The following SLC38A4 variants were observed in gnomAD, a reference collection of about 807,000 sequenced individuals.
SLC38A4 encodes the protein sodium-coupled neutral amino acid transporter 4.
In SLC38A4, 20 loss-of-function variants were observed where a neutral mutation model predicts 63.1. That is an observed-to-expected ratio of 0.32 (90% confidence interval 0.22 to 0.46). The LOEUF is 0.46. Ranked by LOEUF, SLC38A4 falls within the 20% of genes least tolerant of loss-of-function variation. The probability of loss-of-function intolerance (pLI) is 1.00; values close to 1 mark genes in which losing one functional copy is unlikely to be tolerated. For missense variants in SLC38A4, 526 were observed against 663.6 expected, an observed-to-expected ratio of 0.79 and a Z score of 2.28; for synonymous variants, 230 against 225.5, an observed-to-expected ratio of 1.02 and a Z score of -0.18.
chr12:46,785,120 T>A lies in SLC38A4; in HGVS notation c.384A>T (p.Lys128Asn). ...GTAGCATACCTCCTTCCTTGGCTGT[T>A]TTTAATAAAAGGTGAACTGAATACA... ...LSLYSVHLLL[K>N]TAKEGGSLIY... is the part of the protein sequence containing the mutation. The change falls in exon 6 of 17, where the codon AAA becomes AAT. Residue 128 changes from lysine (K) to asparagine (N), a missense_variant. Physicochemically the swap from Lys to Asn is moderately conservative, Grantham distance 94. Coordinates refer to ENST00000266579, the MANE Select transcript of SLC38A4 (RefSeq NM_018018.5). 7 of 1,612,780 alleles carry A rather than the reference T, an allele frequency of 4.3e-6. No individual in the cohort carries two copies. The highest frequency in any genetic ancestry group is 5.9e-6 in the Non-Finnish European group (7 of 1,179,064).
chr12:46,820,727 A>G (rs1157109223), intron 1 of SLC38A4, among the ~76,000 whole-genome samples: 1 of 151,884 alleles, frequency 6.6e-6, no homozygotes, highest in Non-Finnish European at 1.5e-5. Flanking sequence ...TAGTAGTTCT[A>G]TTTTTCATTT....
intron 5 of SLC38A4, 112 bp downstream of exon 5, chr12:46,787,804 G>T: frequency 1.4e-6 from 1 of 712,738 alleles, no homozygotes; most frequent in Non-Finnish European, 2.3e-6. Context: ...GCCATGATTA[G>T]CCTCCTCTGA....
At position 46,766,439 on chromosome 12, in the gene SLC38A4, C is replaced by T. The variant is rs1300055304; in HGVS notation, c.*262G>A. The stretch of plus-strand genomic sequence containing the variant: ...TTCTGCTCGTAAAGCAGCAAAAATA[C>T]ACCTTCATCATCTCACACTGCTCTA... On this transcript the variant is annotated 3_prime_UTR_variant, in exon 17 of 17. Coordinates refer to ENST00000266579, the MANE Select transcript of SLC38A4 (RefSeq NM_018018.5). 1 of 573,690 alleles carries T rather than the reference C, an allele frequency of 1.7e-6. No individual in the cohort carries two copies. The highest frequency in any genetic ancestry group is 3.3e-6 in the Non-Finnish European group (1 of 303,446). The allele number at this position is 573,690 out of a possible 1,614,324, so 35.5% of individuals were successfully genotyped here.
intron 15 of SLC38A4, 112 bp from the exon 16 acceptor site, chr12:46,768,519 A>G (rs1035032266): frequency 1.7e-6 from 1 of 584,478 alleles, no homozygotes; most frequent in Non-Finnish European, 2.9e-6. Context: ...TATACTTAGC[A>G]CTAAAAACAC....
chr12:46,798,925 A>G (rs1939072940), intron 2 of SLC38A4, among the ~76,000 whole-genome samples: 1 of 152,138 alleles, frequency 6.6e-6, no homozygotes, highest in South Asian at 2.1e-4. Context: ...AACAGGAACT[A>G]TGTCTTTGGC....
chr12:46,794,487 T>C (rs1050624658), intron 2 of SLC38A4, among the ~76,000 whole-genome samples: 9 of 151,128 alleles, frequency 6.0e-5, no homozygotes, highest in Non-Finnish European at 1.3e-4. Flanking sequence ...AATAAAAACA[T>C]TATAAAGGAA....
At chr12:46,771,050 C>A (rs1938406590) in intron 14 of SLC38A4, among the ~76,000 whole-genome samples, 1 of 152,018 alleles carries the variant, frequency 6.6e-6, no homozygotes, top group Admixed American at 6.6e-5. Flanking sequence ...GAATGACAAA[C>A]CAGATAGTCT....
rs1938262100 is a variant in SLC38A4 at position 46,764,782 on chromosome 12, T to C, written c.*1919A>G. The stretch of plus-strand genomic sequence containing the variant: ...CATAGTCATTTGAAAAGTTCATTTA[T>C]TATATACCAATATACACTTTCTGTA... On this transcript the variant is annotated 3_prime_UTR_variant, in exon 17 of 17. Transcript: ENST00000266579. The C allele has an allele frequency of 6.6e-6, 1 of 152,394 alleles. No homozygotes were observed. The highest frequency in any genetic ancestry group is 1.5e-5 in the Non-Finnish European group (1 of 68,000). 9.4% of individuals were successfully genotyped at this position (152,394 alleles called of 1,614,324 possible).
chr12:46,767,878 T>C (rs763735050), intron 16 of SLC38A4, among the ~76,000 whole-genome samples: 11 of 152,050 alleles, frequency 7.2e-5, no homozygotes, highest in Non-Finnish European at 1.3e-4. Context: ...GGACAACAGG[T>C]ACTATGGAAG....
chr12:46,804,100 G>T (rs1415751216), intron 1 of SLC38A4, among the ~76,000 whole-genome samples: 1 of 152,012 alleles, frequency 6.6e-6, no homozygotes, highest in African/African-American at 2.4e-5. Context: ...AGAAAATATT[G>T]ATTACATAGT....
At chr12:46,793,249 T>A in intron 2 of SLC38A4, 66 bp from the exon 3 acceptor site, 1 of 423,694 alleles carries the variant, frequency 2.4e-6, no homozygotes, top group Non-Finnish European at 4.2e-6. Flanking sequence ...ATATGAATCA[T>A]CTACATTTTG....
chr12:46,788,504 G>A lies in SLC38A4; in HGVS notation c.210+24C>T, dbSNP rs760352059. 2.5e-6 allele frequency: 4 copies of A among 1,588,010 alleles called. No homozygotes were observed. The East Asian group carries it at 8.9e-5, about 36-fold the overall frequency. On this transcript the variant is annotated intron_variant, in intron 4 of 16. Transcript: ENST00000266579. ...TCAGACACCCTCAGTCCCGTTTATTGCCTGAAAGCATAGATTCACTTACGT... is the reference window on the plus strand; with the variant it reads ...TCAGACACCCTCAGTCCCGTTTATTACCTGAAAGCATAGATTCACTTACGT...
intron 1 of SLC38A4, among the ~76,000 whole-genome samples, chr12:46,805,316 T>TTA (rs1470152917): frequency 6.6e-6 from 1 of 152,006 alleles, no homozygotes; most frequent in Non-Finnish European, 1.5e-5. Context: ...ATAGCAAAAT[T>TTA]CTTATTACAA....
rs765301170 is a variant in SLC38A4, at chr12:46,766,674, T to C, written c.*27A>G. On this transcript the variant is annotated 3_prime_UTR_variant, in exon 17 of 17. Transcript: ENST00000266579. ...GAGTATAACTTGTAACCATTTCCAATAGAAAAAGAAAGTATTTTTCCTTGT... is the reference window on the plus strand; with the variant it reads ...GAGTATAACTTGTAACCATTTCCAACAGAAAAAGAAAGTATTTTTCCTTGT... 23 of 1,401,994 alleles carry C rather than the reference T, an allele frequency of 1.6e-5. No homozygotes were observed. The Admixed American group carries it at 1.7e-4, about 10-fold the overall frequency. 86.8% of individuals were successfully genotyped at this position (1,401,994 alleles called of 1,614,324 possible).
intron 16 of SLC38A4, among the ~76,000 whole-genome samples, chr12:46,767,418 A>C (rs1938323813): frequency 6.6e-6 from 1 of 152,088 alleles, no homozygotes; most frequent in African/African-American, 2.4e-5. Context: ...TTTCACTAGA[A>C]TGGGTCTAGG....
chr12:46,771,687 T>C (rs917423097), intron 14 of SLC38A4, among the ~76,000 whole-genome samples: 4 of 152,050 alleles, frequency 2.6e-5, no homozygotes, highest in Non-Finnish European at 4.4e-5. Context: ...GGTACTAGGC[T>C]TGTGGTGGTG....
In SLC38A4 at chr12:46,766,716, A is replaced by G; in HGVS notation, c.1629T>C (p.Asn543=). ...TTTCCTTGTGTTAGTGATGCTTGGAATTTGGAGGATCATAAATCCAGTCAA... is the reference window on the plus strand; with the variant it reads ...TTTCCTTGTGTTAGTGATGCTTGGAGTTTGGAGGATCATAAATCCAGTCAA... ...IIIDWIYDPP[N]SKHH The change falls in exon 17 of 17, where the codon AAT becomes AAC. Residue 543 remains asparagine (N), a synonymous_variant. Transcript: ENST00000266579. 1 of 1,609,390 alleles carries G rather than the reference A, an allele frequency of 6.2e-7. No homozygotes were observed. Among genetic ancestry groups the G allele is most frequent in the Non-Finnish European group, 8.5e-7 (1 of 1,176,482 alleles).
At position 46,780,005 on chromosome 12, in the gene SLC38A4, A is replaced by G; in HGVS notation, c.519T>C (p.Ile173=). 6.2e-7 allele frequency: 1 copy of G among 1,612,260 alleles called. No homozygotes were observed. Among genetic ancestry groups the G allele is most frequent in the Non-Finnish European group, 8.5e-7 (1 of 1,178,838 alleles). The change falls in exon 8 of 17, where the codon ATT becomes ATC. Residue 173 remains isoleucine, a synonymous_variant. Coordinates refer to ENST00000266579, the MANE Select transcript of SLC38A4 (RefSeq NM_018018.5). Reference sequence around the variant, plus strand: ...TGATTACTTCAGGTAGTTCATATTTAATGATAAAGAGGTAGCTTGACATTG... The same window carrying G: ...TGATTACTTCAGGTAGTTCATATTTGATGATAAAGAGGTAGCTTGACATTG... ...IGAMSSYLFI[I]KYELPEVIRA... is the part of the protein sequence containing the mutation.
chr12:46,824,063 C>T (rs922190296), intron 1 of SLC38A4, among the ~76,000 whole-genome samples: 1 of 152,140 alleles, frequency 6.6e-6, no homozygotes, highest in Admixed American at 6.5e-5. Context: ...CTGTTTTGGG[C>T]TCTGGGTGAC....
Sources: allele counts gnomAD v4.1 joint callset (sites outside exome capture counted in the v4.1 genomes callset), GRCh38; gene constraint gnomAD v4.1.1; transcripts MANE v1.5; gene names NCBI Gene and HGNC (gene_info 2026-07-23, HGNC 2026-07-21).